BTBD16: variants seen among roughly 807,000 people sequenced by gnomAD.
BTBD16 encodes BTB domain containing 16.
BTBD16 carries 66 observed loss-of-function variants against 67.4 expected under a neutral mutation model. The observed-to-expected ratio is 0.98, with a 90% CI of 0.80 to 1.20. The LOEUF (loss-of-function observed/expected upper bound fraction) is 1.20. Among genes scored for constraint, BTBD16 ranks in the 50% most tolerant of loss-of-function variants. BTBD16 has a pLI of 0.00. For missense variants in BTBD16, 634 were observed against 616.0 expected, an observed-to-expected ratio of 1.03 and a Z score of -0.31; for synonymous variants, 242 against 236.4, an observed-to-expected ratio of 1.02 and a Z score of -0.22.
chr10:122,325,566 C>T (rs958046518), intron 10 of BTBD16, among the ~76,000 whole-genome samples: 5 of 151,956 alleles, frequency 3.3e-5, no homozygotes, highest in African/African-American at 1.2e-4. Context: ...AATGTGGTGA[C>T]CTTTGGTAGG....
At chr10:122,295,548 G>A (rs1158108265) in intron 7 of BTBD16, 2 of 984,820 alleles carry the variant, frequency 2.0e-6, no homozygotes, top group Admixed American at 1.2e-4. Flanking sequence ...GTATAAATGT[G>A]GGAGGCTGCA....
intron 4 of BTBD16, among the ~76,000 whole-genome samples, chr10:122,285,531 G>A (rs2096361941): frequency 6.6e-6 from 1 of 152,132 alleles, no homozygotes; most frequent in South Asian, 2.1e-4. Context: ...GGGAACTGGG[G>A]GGTGATTTGG....
intron 1 of BTBD16, among the ~76,000 whole-genome samples, chr10:122,273,431 A>C (rs2096333634): frequency 6.6e-6 from 1 of 152,082 alleles, no homozygotes; most frequent in African/African-American, 2.4e-5. Context: ...ATAAATAATG[A>C]TGCATTCACT....
chr10:122,282,646 A>T (rs372721003), intron 3 of BTBD16, among the ~76,000 whole-genome samples: 1 of 152,250 alleles, frequency 6.6e-6, no homozygotes, highest in Non-Finnish European at 1.5e-5. Context: ...TAACACGATG[A>T]GTCCATGGTG....
chr10:122,297,822 C>A lies in BTBD16; in HGVS notation c.645C>A (p.Tyr215Ter), dbSNP rs761412759. 5.6e-6 allele frequency: 9 copies of A among 1,614,122 alleles called. No homozygotes were observed. The South Asian group carries it at 9.9e-5, about 18-fold the overall frequency. Residue 215 changes from tyrosine (Y) to a stop codon, truncating the protein, a stop_gained, in exon 8 of 16, where the codon TAC becomes TAA. Coordinates refer to ENST00000260723, the MANE Select transcript of BTBD16 (RefSeq NM_144587.5). LOFTEE classifies it high-confidence loss of function. ...AGCCAAGCACCATCAAGAAATTCTA[C>A]GAGGCCGGCTGCAAGGTGAGAACAA... ...RLKPSTIKKF[Y>*]EAGCKYKEEQ...
chr10:122,290,296 G>A (rs2096371564), intron 6 of BTBD16, among the ~76,000 whole-genome samples: 1 of 152,144 alleles, frequency 6.6e-6, no homozygotes, highest in Admixed American at 6.5e-5. Context: ...AAGCACAAAA[G>A]GAATTGCTGC....
At chr10:122,322,816 C>A (rs763445761) in intron 10 of BTBD16, among the ~76,000 whole-genome samples, 2 of 152,154 alleles carry the variant, frequency 1.3e-5, no homozygotes, top group African/African-American at 2.4e-5. Context: ...CCAAGGAAAC[C>A]CTCCAAGAGT....
At chr10:122,289,190 G>A (rs2096369274) in intron 5 of BTBD16, among the ~76,000 whole-genome samples, 1 of 152,184 alleles carries the variant, frequency 6.6e-6, no homozygotes, top group African/African-American at 2.4e-5. Context: ...TGCCTGCACT[G>A]CTCCAGGTGC....
At chr10:122,287,493 G>C (rs2142061144) in intron 5 of BTBD16, 2 of 985,392 alleles carry the variant, frequency 2.0e-6, no homozygotes, top group East Asian at 2.3e-4. Context: ...AGACAAGAGG[G>C]AAGGTGCAGA....
intron 10 of BTBD16, among the ~76,000 whole-genome samples, chr10:122,317,176 ATTTAC>A (rs2096426722): frequency 6.6e-6 from 1 of 152,310 alleles, no homozygotes; most frequent in African/African-American, 2.4e-5. Flanking sequence ...TACTACAAGT[ATTTAC>A]TTTATAATTT....
intron 10 of BTBD16, among the ~76,000 whole-genome samples, chr10:122,309,167 T>C (rs1217309481): frequency 1.3e-5 from 2 of 152,124 alleles, no homozygotes; most frequent in Non-Finnish European, 2.9e-5. Context: ...TGCTCTGTCA[T>C]CCAGGTTGGA....
intron 3 of BTBD16, among the ~76,000 whole-genome samples, chr10:122,277,684 C>A (rs951511080): frequency 1.4e-4 from 21 of 151,974 alleles, no homozygotes; most frequent in African/African-American, 4.6e-4. Context: ...TTGTTGACAA[C>A]CGGCTCTTGT....
At chr10:122,318,272 G>A (rs1357376942) in intron 10 of BTBD16, among the ~76,000 whole-genome samples, 1 of 152,104 alleles carries the variant, frequency 6.6e-6, no homozygotes, top group Non-Finnish European at 1.5e-5. Context: ...ATTCTTTCAT[G>A]CATCATAATT....
At chr10:122,300,989 A>G (rs2096392736) in intron 9 of BTBD16, among the ~76,000 whole-genome samples, 1 of 152,200 alleles carries the variant, frequency 6.6e-6, no homozygotes, top group Non-Finnish European at 1.5e-5. Context: ...CAGGTAGAAC[A>G]GAGTTCTGGG....
chr10:122,278,094 T>TC (rs1432463722), intron 3 of BTBD16, among the ~76,000 whole-genome samples: 1 of 152,216 alleles, frequency 6.6e-6, no homozygotes, highest in East Asian at 1.9e-4. Flanking sequence ...GTTGCCGAGT[T>TC]CCTTAGTGCC....
chr10:122,273,627 A>C (rs947545928), intron 1 of BTBD16, among the ~76,000 whole-genome samples: 2 of 152,174 alleles, frequency 1.3e-5, no homozygotes, highest in Non-Finnish European at 2.9e-5. Context: ...GGACACCTGT[A>C]GTCCCAGCTA....
intron 10 of BTBD16, among the ~76,000 whole-genome samples, chr10:122,316,467 C>T (rs764692346): frequency 1.2e-4 from 19 of 152,110 alleles, no homozygotes; most frequent in Admixed American, 9.2e-4. Flanking sequence ...GTTTCATCCT[C>T]GTGCAAACAT....
At chr10:122,306,670 T>C (rs1303330396) in intron 9 of BTBD16, among the ~76,000 whole-genome samples, 2 of 152,184 alleles carry the variant, frequency 1.3e-5, no homozygotes, top group East Asian at 3.9e-4. Flanking sequence ...GTGCGAAATT[T>C]AAGGGAGCAT....
intron 10 of BTBD16, among the ~76,000 whole-genome samples, chr10:122,315,707 T>A (rs909846165): frequency 3.9e-5 from 6 of 152,154 alleles, no homozygotes; most frequent in African/African-American, 1.4e-4. Flanking sequence ...ATTTTATGGG[T>A]CTTTTTGTGT....
Sources: allele counts gnomAD v4.1 joint callset (sites outside exome capture counted in the v4.1 genomes callset), GRCh38; gene constraint gnomAD v4.1.1; transcripts MANE v1.5; gene names NCBI Gene and HGNC (gene_info 2026-07-23, HGNC 2026-07-21).